GUCA1A: variants seen among roughly 807,000 people sequenced by gnomAD.
The protein encoded by GUCA1A is guanylyl cyclase-activating protein 1.
Under a neutral mutation model 18.5 loss-of-function variants are expected in GUCA1A, and 14 were observed. That is an observed-to-expected ratio of 0.76 (90% CI 0.50 to 1.18). The LOEUF (loss-of-function observed/expected upper bound fraction) is 1.18, where lower values mean the gene tolerates loss of function less well. Ranked by LOEUF, GUCA1A falls within the 50% of genes most tolerant of loss-of-function variation. The probability of loss-of-function intolerance (pLI) is 0.00; values close to 1 mark genes in which losing one functional copy is unlikely to be tolerated. For synonymous variants in GUCA1A, 97 were observed against 100.2 expected, an observed-to-expected ratio of 0.97 and a Z score of 0.19; for missense variants, 264 against 262.4, an observed-to-expected ratio of 1.01 and a Z score of -0.04.
At chr6:42,176,429 T>TG (rs977716775) in intron 1 of GUCA1A, among the ~76,000 whole-genome samples, 6 of 152,018 alleles carry the variant, frequency 3.9e-5, no homozygotes, top group African/African-American at 1.4e-4. Flanking sequence ...TGTTTTGTTT[T>TG]TTGTTGTTGT....
intron 3 of GUCA1A, 24 bp from the exon 4 acceptor site, chr6:42,179,218 CT>C (rs767489260): frequency 1.2e-5 from 19 of 1,609,560 alleles, no homozygotes; most frequent in Non-Finnish European, 1.4e-5. Context: ...CCTCCTCCCC[CT>C]GATTCCCTTT....
In GUCA1A at chr6:42,175,353, CTTTTTTTTTT is replaced by C. The variant is rs10559617; in HGVS notation, c.201+1555_201+1564del. On this transcript the variant is annotated intron_variant, in intron 1 of 3. Coordinates refer to ENST00000372958, the MANE Select transcript of GUCA1A (RefSeq NM_001384910.1). ...CGACCCTGTATTTGCCTAATCATGT[CTTTTTTTTTT>C]TTTTTTTTTTTTTTTGAGATGGAGT... 9.4e-3 allele frequency among the ~76,000 whole-genome samples: 604 copies of C among 63,976 alleles called. 6 individuals carry two copies. The highest frequency in any genetic ancestry group is 0.032 in the African/African-American group (567 of 17,768). 42.0% of individuals were successfully genotyped at this position (63,976 alleles called of 152,430 possible).
intron 3 of GUCA1A, 81 bp from the exon 4 acceptor site, chr6:42,179,162 C>G (rs947439891): frequency 7.5e-7 from 1 of 1,341,170 alleles, no homozygotes. Flanking sequence ...TGTCCCTGCC[C>G]CTGGCAAGAA....
chr6:42,179,343 G>A lies in GUCA1A; in HGVS notation c.546G>A (p.Arg182=). 2 of 1,613,380 alleles carry A rather than the reference G, an allele frequency of 1.2e-6. No homozygotes were observed. Among genetic ancestry groups the A allele is most frequent in the Non-Finnish European group, 1.7e-6 (2 of 1,179,528 alleles). The change falls in exon 4 of 4, where the codon AGG becomes AGA. Residue 182 remains arginine (R), a synonymous_variant. Coordinates refer to ENST00000372958, the MANE Select transcript of GUCA1A (RefSeq NM_001384910.1). The stretch of plus-strand genomic sequence containing the variant: ...TGGACCTTACCCGCATCGTGCGCAG[G>A]CTCCAGAATGGCGAGCAAGACGAGG... ...RSLDLTRIVR[R]LQNGEQDEEG...
At chr6:42,175,345 AATCAT>A (rs1767926862) in intron 1 of GUCA1A, among the ~76,000 whole-genome samples, 1 of 146,304 alleles carries the variant, frequency 6.8e-6, no homozygotes, top group Non-Finnish European at 1.5e-5. Flanking sequence ...GTATTTGCCT[AATCAT>A]GTCTTTTTTT....
chr6:42,178,128 C>G (rs1469255679), intron 1 of GUCA1A, 152 bp from the exon 2 acceptor site: 3 of 881,014 alleles, frequency 3.4e-6, no homozygotes, highest in Middle Eastern at 3.3e-4. Flanking sequence ...ACAGGGCTGG[C>G]CCCCTCGCTG....
At chr6:42,178,135 G>GCT (rs1478100782) in intron 1 of GUCA1A, 145 bp from the exon 2 acceptor site, 21 of 943,576 alleles carry the variant, frequency 2.2e-5, no homozygotes, top group Non-Finnish European at 3.4e-5. Context: ...TGGCCCCCTC[G>GCT]CTGCATCTCC....
intron 1 of GUCA1A, among the ~76,000 whole-genome samples, chr6:42,176,009 A>G (rs1016159347): frequency 1.3e-5 from 2 of 152,168 alleles, no homozygotes; most frequent in Admixed American, 1.3e-4. Flanking sequence ...GTCGTCTTCC[A>G]ATACCAGATT....
In GUCA1A at chr6:42,173,710, C is replaced by T; in HGVS notation, c.97C>T (p.Gln33Ter). 1 of 1,613,590 alleles carries T rather than the reference C, an allele frequency of 6.2e-7. No homozygotes were observed. The highest frequency in any genetic ancestry group is 8.5e-7 in the Non-Finnish European group (1 of 1,179,458). The change falls in exon 1 of 4, where the codon CAA (glutamine) becomes TAA (stop). Residue 33 changes from glutamine to a stop codon, truncating the protein, a stop_gained. Coordinates refer to ENST00000372958, the MANE Select transcript of GUCA1A (RefSeq NM_001384910.1). LOFTEE classifies it high-confidence loss of function. ...GTTCATGACTGAGTGCCCCTCTGGC[C>T]AACTCACCCTCTATGAGTTCCGCCA... ...KKFMTECPSG[Q>*]LTLYEFRQFF...
chr6:42,175,670 T>C (rs1767940695), intron 1 of GUCA1A, among the ~76,000 whole-genome samples: 2 of 152,158 alleles, frequency 1.3e-5, no homozygotes, highest in African/African-American at 4.8e-5. Context: ...GAGCCAACCA[T>C]GTCTTAATGT....
chr6:42,174,369 A>G (rs1304598756), intron 1 of GUCA1A, among the ~76,000 whole-genome samples: 1 of 152,232 alleles, frequency 6.6e-6, no homozygotes, highest in Non-Finnish European at 1.5e-5. Flanking sequence ...TTCTGCGGAC[A>G]TGAGGACTGG....
intron 1 of GUCA1A, among the ~76,000 whole-genome samples, chr6:42,177,089 G>A (rs1319293737): frequency 6.6e-6 from 1 of 152,186 alleles, no homozygotes; most frequent in Non-Finnish European, 1.5e-5. Context: ...CAGGCCATTT[G>A]CTTTGCTTAC....
In GUCA1A at chr6:42,179,304, A is replaced by G; in HGVS notation, c.507A>G (p.Thr169=). The change falls in exon 4 of 4, where the codon ACA becomes ACG. Residue 169 remains threonine, a synonymous_variant. Coordinates refer to ENST00000372958, the MANE Select transcript of GUCA1A (RefSeq NM_001384910.1). The part of the protein sequence containing the change: ...GVQKDQMLLD[T]LTRSLDLTRI... ...AGAAGGACCAGATGCTCCTGGACAC[A>G]CTGACACGAAGCCTGGACCTTACCC... 1 of 1,613,744 alleles carries G rather than the reference A, an allele frequency of 6.2e-7. No homozygotes were observed. The highest frequency in any genetic ancestry group is 8.5e-7 in the Non-Finnish European group (1 of 1,179,674).
Position 42,179,523 on chromosome 6 carries a change from T to C in GUCA1A, c.*120T>C. On this transcript the variant is annotated 3_prime_UTR_variant, in exon 4 of 4. Coordinates refer to ENST00000372958, the MANE Select transcript of GUCA1A (RefSeq NM_001384910.1). ...AACTCAGAGGCTTAGCTCGCCTCTT[T>C]AGGGTCCATGGTGGCAGCAGAGAGG... The C allele has an allele frequency of 1.2e-6, 1 of 831,834 alleles. No homozygotes were observed. The allele number at this position is 831,834 out of a possible 1,614,324, so 51.5% of individuals were successfully genotyped here. A position where few individuals can be genotyped will look rare whatever the true frequency, so the allele number is the denominator to read the frequency against.
At chr6:42,178,208 A>G (rs1768007767) in intron 1 of GUCA1A, 72 bp from the exon 2 acceptor site, 1 of 1,569,180 alleles carries the variant, frequency 6.4e-7, no homozygotes, top group South Asian at 1.1e-5. Context: ...GCCTTGGGTT[A>G]TGATGGGCGG....
Position 42,179,488 on chromosome 6 carries a change from G to C in GUCA1A, c.*85G>C, listed in dbSNP as rs1233857748. On this transcript the variant is annotated 3_prime_UTR_variant, in exon 4 of 4. Coordinates refer to ENST00000372958, the MANE Select transcript of GUCA1A (RefSeq NM_001384910.1). ...GGTGTTCTTGTCTTAACCCTAGATA[G>C]AATCTAATGAACTCAGAGGCTTAGC... 1.0e-5 allele frequency: 12 copies of C among 1,163,692 alleles called. No homozygotes were observed. The highest frequency in any genetic ancestry group is 1.5e-5 in the African/African-American group (1 of 64,632). The allele number at this position is 1,163,692 out of a possible 1,614,324, so 72.1% of individuals were successfully genotyped here.
intron 1 of GUCA1A, among the ~76,000 whole-genome samples, chr6:42,177,885 C>T (rs1767999426): frequency 1.3e-5 from 2 of 152,226 alleles, no homozygotes; most frequent in South Asian, 4.1e-4. Context: ...GGGTGCAGTT[C>T]TTCCTCCTCC....
In GUCA1A at chr6:42,173,600, T is replaced by C. The variant is rs775347451; in HGVS notation, c.-14T>C. Reference sequence around the variant, plus strand: ...CTGTCCATCTCAGACGTCAGCCCCCTGAAGGCCTGAGCAATGGGCAACGTG... The same window carrying C: ...CTGTCCATCTCAGACGTCAGCCCCCCGAAGGCCTGAGCAATGGGCAACGTG... On this transcript the variant is annotated 5_prime_UTR_variant, in exon 1 of 4. Transcript: ENST00000372958. The C allele has an allele frequency of 5.0e-6, 8 of 1,609,790 alleles. No individual in the cohort carries two copies. In the Admixed American group the frequency reaches 1.0e-4, roughly 20 times the overall value.
intron 2 of GUCA1A, 31 bp from the exon 3 acceptor site, chr6:42,178,771 C>G: frequency 6.7e-7 from 1 of 1,494,454 alleles, no homozygotes; most frequent in Non-Finnish European, 9.3e-7. Context: ...AGGATGGGCC[C>G]CTCTCACTTC....
Sources: allele counts gnomAD v4.1 joint callset (sites outside exome capture counted in the v4.1 genomes callset), GRCh38; gene constraint gnomAD v4.1.1; transcripts MANE v1.5; gene names NCBI Gene and HGNC (gene_info 2026-07-23, HGNC 2026-07-21).